TSPAN5: variants seen among roughly 807,000 people sequenced by gnomAD.
TSPAN5 encodes the protein tetraspanin 5.
Under a neutral mutation model 37.1 loss-of-function variants are expected in TSPAN5, and 10 were observed. The observed-to-expected ratio is 0.27, with a 90% CI of 0.17 to 0.46. TSPAN5 has a LOEUF of 0.46. Among genes scored for constraint, TSPAN5 ranks in the 20% least tolerant of loss-of-function variants. The pLI, the probability that TSPAN5 is intolerant of heterozygous loss-of-function variation, is 1.00. For missense variants in TSPAN5, 195 were observed against 326.6 expected (o/e 0.60, Z 3.11); for synonymous variants, 110 against 118.9 (o/e 0.93, Z 0.48).
chr4:98,590,507 G>A (rs1446586515), intron 1 of TSPAN5, among the ~76,000 whole-genome samples: 1 of 152,010 alleles, frequency 6.6e-6, no homozygotes, highest in Non-Finnish European at 1.5e-5. Context: ...TCAGGAGATC[G>A]AGACCATCCT....
At chr4:98,634,025 G>A (rs1194020030) in intron 1 of TSPAN5, among the ~76,000 whole-genome samples, 1 of 151,888 alleles carries the variant, frequency 6.6e-6, no homozygotes, top group African/African-American at 2.4e-5. Flanking sequence ...GTTGCGGTGA[G>A]TGGAGATGGC....
At chr4:98,563,976 CTG>C (rs1369661617) in intron 1 of TSPAN5, among the ~76,000 whole-genome samples, 1 of 152,130 alleles carries the variant, frequency 6.6e-6, no homozygotes, top group Non-Finnish European at 1.5e-5. Context: ...CTGAGAAAAT[CTG>C]TGCTAAATCA....
intron 3 of TSPAN5, chr4:98,484,469 T>C (rs2110261831): frequency 2.2e-6 from 1 of 456,014 alleles, no homozygotes; most frequent in Non-Finnish European, 4.4e-6. Context: ...ATTTAAGATA[T>C]TTTCCAAGTC....
intron 1 of TSPAN5, among the ~76,000 whole-genome samples, chr4:98,545,595 T>A (rs1418910711): frequency 2.6e-5 from 4 of 152,160 alleles, no homozygotes; most frequent in African/African-American, 9.6e-5. Flanking sequence ...AGTGGTGTGA[T>A]ATCGGCTCAT....
chr4:98,565,116 C>T (rs1754971808), intron 1 of TSPAN5, among the ~76,000 whole-genome samples: 1 of 152,122 alleles, frequency 6.6e-6, no homozygotes, highest in South Asian at 2.1e-4. Context: ...TTGGATCCTG[C>T]ACAATATGGC....
intron 1 of TSPAN5, among the ~76,000 whole-genome samples, chr4:98,576,054 G>A (rs532285891): frequency 1.4e-4 from 21 of 152,180 alleles, no homozygotes; most frequent in Non-Finnish European, 2.5e-4. Context: ...GGTGGACAGA[G>A]CGAGACTCCA....
intron 1 of TSPAN5, among the ~76,000 whole-genome samples, chr4:98,518,593 G>T (rs774332726): frequency 6.6e-6 from 1 of 152,196 alleles, no homozygotes; most frequent in East Asian, 1.9e-4. Flanking sequence ...TCCTGTAGAG[G>T]CAACAGCTTA....
intron 2 of TSPAN5, among the ~76,000 whole-genome samples, chr4:98,502,653 T>G (rs1336120649): frequency 6.6e-6 from 1 of 151,980 alleles, no homozygotes; most frequent in African/African-American, 2.4e-5. Context: ...AGTGAAAAAG[T>G]GAAAGATACC....
chr4:98,658,103 G>A (rs1757329610), intron 1 of TSPAN5, 43 bp downstream of exon 1: 2 of 1,540,192 alleles, frequency 1.3e-6, no homozygotes, highest in South Asian at 2.2e-5. Flanking sequence ...GTCGCGAATC[G>A]ATCGGCCACA....
At chr4:98,595,276 G>A (rs1196984835) in intron 1 of TSPAN5, among the ~76,000 whole-genome samples, 1 of 105,020 alleles carries the variant, frequency 9.5e-6, no homozygotes, top group Non-Finnish European at 1.8e-5. Context: ...CTGTGGGATC[G>A]GTGGTGATAT....
chr4:98,611,211 T>G (rs1355624733), intron 1 of TSPAN5, among the ~76,000 whole-genome samples: 1 of 152,156 alleles, frequency 6.6e-6, no homozygotes, highest in Non-Finnish European at 1.5e-5. Flanking sequence ...CCTTAACATA[T>G]TCCAGAAGGA....
intron 1 of TSPAN5, among the ~76,000 whole-genome samples, chr4:98,637,655 T>C (rs774697589): frequency 2.0e-5 from 3 of 152,186 alleles, no homozygotes; most frequent in Non-Finnish European, 4.4e-5. Context: ...CAAAAACTTG[T>C]TGCAGTTTAC....
rs905386084 is a variant in TSPAN5 at position 98,609,449 on chromosome 4, G to C, written c.81+48697C>G. Among the ~76,000 whole-genome samples the C allele has an allele frequency of 4.6e-5, 7 of 152,100 alleles. No homozygotes were observed. The South Asian group carries it at 1.5e-3, about 32-fold the overall frequency. ...TTGTCCCTTTTTGCTGGTCCTCCTG[G>C]GTAGACATGATCACCCAAGTCAGGT... On this transcript the variant is annotated intron_variant, in intron 1 of 7. Transcript: ENST00000305798.
At chr4:98,623,711 T>C (rs758870585) in intron 1 of TSPAN5, among the ~76,000 whole-genome samples, 19 of 152,188 alleles carry the variant, frequency 1.2e-4, no homozygotes, top group Admixed American at 2.6e-4. Flanking sequence ...CGGTGGCCTT[T>C]TTGAGATACA....
intron 1 of TSPAN5, among the ~76,000 whole-genome samples, chr4:98,528,521 G>C (rs1754012622): frequency 1.3e-5 from 2 of 150,690 alleles, no homozygotes; most frequent in African/African-American, 4.9e-5. Context: ...TTTACATAGA[G>C]AATACCTGTT....
intron 1 of TSPAN5, among the ~76,000 whole-genome samples, chr4:98,610,512 C>G (rs1756157046): frequency 1.3e-5 from 2 of 152,326 alleles, no homozygotes; most frequent in Non-Finnish European, 2.9e-5. Flanking sequence ...AAATTATCTA[C>G]ATAAGTAGGC....
chr4:98,559,607 T>C (rs1038351567), intron 1 of TSPAN5, among the ~76,000 whole-genome samples: 4 of 152,318 alleles, frequency 2.6e-5, no homozygotes, highest in East Asian at 3.9e-4. Context: ...ATAACCACTA[T>C]TGGAAATACT....
chr4:98,633,817 C>T (rs561904516), intron 1 of TSPAN5, among the ~76,000 whole-genome samples: 2 of 152,284 alleles, frequency 1.3e-5, no homozygotes, highest in South Asian at 2.1e-4. Context: ...CGATGGCTGA[C>T]GCCTGTAATA....
rs536082822 is a variant in TSPAN5, at chr4:98,503,723, A to G, written c.132+3955T>C. ...ATGCACACACCCTTCCTACAACTGG[A>G]TAAACTCCATGAAGACTGAAACTAG... On this transcript the variant is annotated intron_variant, in intron 2 of 7. Coordinates refer to ENST00000305798, the MANE Select transcript of TSPAN5 (RefSeq NM_005723.4). 1.2e-4 allele frequency among the ~76,000 whole-genome samples: 18 copies of G among 152,348 alleles called. No individual in the cohort carries two copies. In the South Asian group the frequency reaches 3.7e-3, roughly 32 times the overall value.
Sources: allele counts gnomAD v4.1 joint callset (sites outside exome capture counted in the v4.1 genomes callset), GRCh38; gene constraint gnomAD v4.1.1; transcripts MANE v1.5; gene names NCBI Gene and HGNC (gene_info 2026-07-23, HGNC 2026-07-21).